MDN1: variants seen among roughly 807,000 people sequenced by gnomAD.
MDN1 encodes the protein midasin.
MDN1 carries 266 observed loss-of-function variants against 669.2 expected under a neutral mutation model. The observed-to-expected ratio is 0.40, with a 90% CI of 0.36 to 0.44. The LOEUF (loss-of-function observed/expected upper bound fraction) is 0.44, where lower values mean the gene tolerates loss of function less well. Among genes scored for constraint, MDN1 ranks in the 20% least tolerant of loss-of-function variants. The pLI is 1.00. For missense variants in MDN1, 5,940 were observed against 6,754.0 expected (o/e 0.88, Z 4.22); for synonymous variants, 2,385 against 2,457.1 (o/e 0.97, Z 0.87).
At chr6:89,773,900 G>A (rs567699924) in intron 13 of MDN1, among the ~76,000 whole-genome samples, 66 of 152,202 alleles carry the variant, frequency 4.3e-4, no homozygotes, top group African/African-American at 1.6e-3. Context: ...GGCAGCTGGA[G>A]GTTTCTGTGG....
chr6:89,686,820 G>T, intron 69 of MDN1, 82 bp downstream of exon 69: 1 of 1,540,644 alleles, frequency 6.5e-7, no homozygotes, highest in Admixed American at 2.0e-5. Context: ...GGAGAAGCGG[G>T]AGCAGGAAAA....
chr6:89,816,259 GC>G, intron 1 of MDN1, among the ~76,000 whole-genome samples: 1 of 151,970 alleles, frequency 6.6e-6, no homozygotes. Flanking sequence ...AATTAGCCAG[GC>G]GCAGTGGCAG....
intron 1 of MDN1, 115 bp from the exon 2 acceptor site, chr6:89,803,669 C>T (rs549107517): frequency 1.3e-6 from 1 of 763,604 alleles, no homozygotes; most frequent in Non-Finnish European, 2.1e-6. Flanking sequence ...GCAAGCTCCA[C>T]CTCCCGGGTT....
rs750473090 is a variant in MDN1, at chr6:89,658,232, G to A, written c.15160C>T (p.Pro5054Ser). Residue 5054 changes from proline to serine, a missense_variant, in exon 90 of 102, where the codon CCT becomes TCT. Physicochemically the swap from Pro to Ser is moderately conservative, Grantham distance 74 (BLOSUM62 -1). Coordinates refer to ENST00000369393, the MANE Select transcript of MDN1 (RefSeq NM_014611.3). ...TQAMELAGAAPEKEQGKEEHG... is the reference protein window; with the variant it reads ...TQAMELAGAASEKEQGKEEHG... ...ACCTCTTTCCCCTGCTCCTTCTCAG[G>A]TGCGGCCCCAGCCAGCTCCATGGCC... The A allele has an allele frequency of 2.5e-6, 4 of 1,614,200 alleles. No homozygotes were observed. Among genetic ancestry groups the A allele is most frequent in the Non-Finnish European group, 3.4e-6 (4 of 1,180,040 alleles).
intron 1 of MDN1, among the ~76,000 whole-genome samples, chr6:89,804,327 T>C (rs1767874028): frequency 6.6e-6 from 1 of 152,152 alleles, no homozygotes; most frequent in South Asian, 2.1e-4. Context: ...TATTATAAAA[T>C]ATCGTGGAAA....
At chr6:89,816,746 C>G (rs886451761) in intron 1 of MDN1, among the ~76,000 whole-genome samples, 2 of 148,600 alleles carry the variant, frequency 1.3e-5, no homozygotes, top group African/African-American at 5.0e-5. Context: ...GCGATCTCAG[C>G]TCACTGCAAG....
chr6:89,800,344 G>A (rs1260111118), intron 2 of MDN1, among the ~76,000 whole-genome samples: 4 of 151,922 alleles, frequency 2.6e-5, no homozygotes, highest in Non-Finnish European at 4.4e-5. Flanking sequence ...GGAGAATCAC[G>A]TGAACCTGGG....
At chr6:89,699,163 T>A in intron 58 of MDN1, 128 bp from the exon 59 acceptor site, 1 of 798,402 alleles carries the variant, frequency 1.3e-6, no homozygotes, top group Non-Finnish European at 1.9e-6. Context: ...AATTTTTCCG[T>A]TTCTCTGCCA....
At chr6:89,807,012 T>C (rs1768067529) in intron 1 of MDN1, among the ~76,000 whole-genome samples, 7 of 152,152 alleles carry the variant, frequency 4.6e-5, no homozygotes, top group Admixed American at 4.6e-4. Context: ...TATCCTGTGA[T>C]CTTATGAAAT....
chr6:89,749,167 G>A, intron 26 of MDN1, 56 bp downstream of exon 26: 1 of 1,456,070 alleles, frequency 6.9e-7, no homozygotes, highest in Non-Finnish European at 9.3e-7. Flanking sequence ...AACAAAAGAA[G>A]CCATGAAATT....
At chr6:89,672,088 TTGGCACTGAGGCCTGCTC>T in intron 82 of MDN1, 94 bp downstream of exon 82, 1 of 1,096,252 alleles carries the variant, frequency 9.1e-7, no homozygotes, top group East Asian at 2.7e-5. Context: ...CTTAGTGATT[TTGGCACTGAGGCCTGCTC>T]TGGCACTTAT....
At chr6:89,693,942 A>C in intron 62 of MDN1, 132 bp downstream of exon 62, 2 of 731,860 alleles carry the variant, frequency 2.7e-6, no homozygotes, top group Non-Finnish European at 4.7e-6. Context: ...CCTGACTATA[A>C]ACAATGCTTT....
chr6:89,750,637 C>G (rs1816888764), intron 23 of MDN1, 105 bp from the exon 24 acceptor site: 7 of 1,148,040 alleles, frequency 6.1e-6, no homozygotes, highest in Non-Finnish European at 8.8e-6. Context: ...GGGTTTCACT[C>G]TGTTGCCCAG....
At chr6:89,814,354 A>G (rs1217043381) in intron 1 of MDN1, among the ~76,000 whole-genome samples, 2 of 151,830 alleles carry the variant, frequency 1.3e-5, no homozygotes, top group Non-Finnish European at 2.9e-5. Flanking sequence ...ACCCTGAAAG[A>G]AGTATTTCAG....
intron 100 of MDN1, among the ~76,000 whole-genome samples, chr6:89,646,090 C>T (rs116519711): frequency 8.5e-5 from 13 of 152,254 alleles, no homozygotes; most frequent in Middle Eastern, 3.4e-3. Context: ...CCTGGAGAAC[C>T]CGCATACATG....
chr6:89,766,795 A>G (rs1349310139), intron 15 of MDN1, among the ~76,000 whole-genome samples: 3 of 152,220 alleles, frequency 2.0e-5, no homozygotes, highest in Non-Finnish European at 4.4e-5. Flanking sequence ...TCTGAGTTCA[A>G]ATTGCATGCT....
chr6:89,799,744 C>A (rs1400314017), intron 2 of MDN1, among the ~76,000 whole-genome samples: 1 of 152,068 alleles, frequency 6.6e-6, no homozygotes, highest in Non-Finnish European at 1.5e-5. Context: ...CCTACCACAA[C>A]GGGAAAAAGT....
chr6:89,779,835 G>A (rs1293670043), intron 11 of MDN1, among the ~76,000 whole-genome samples: 4 of 152,170 alleles, frequency 2.6e-5, no homozygotes, highest in East Asian at 3.9e-4. Context: ...GGAGGCCGAC[G>A]TGGGTGGATC....
intron 15 of MDN1, among the ~76,000 whole-genome samples, chr6:89,764,177 C>T (rs1252242314): frequency 6.6e-6 from 1 of 152,230 alleles, no homozygotes; most frequent in African/African-American, 2.4e-5. Context: ...GATAACACCA[C>T]TGTACTACAG....
Sources: allele counts gnomAD v4.1 joint callset (sites outside exome capture counted in the v4.1 genomes callset), GRCh38; gene constraint gnomAD v4.1.1; transcripts MANE v1.5; gene names NCBI Gene and HGNC (gene_info 2026-07-23, HGNC 2026-07-21).